Variants in RIPOR2 observed in about 807,000 individuals in gnomAD.
The protein encoded by RIPOR2 is RHO family interacting cell polarization regulator 2.
Under a neutral mutation model 114.5 loss-of-function variants are expected in RIPOR2, and 39 were observed. The ratio of observed to expected loss-of-function variants is 0.34; its 90% CI spans 0.26 to 0.44. The LOEUF (loss-of-function observed/expected upper bound fraction) is 0.44, where lower values mean the gene tolerates loss of function less well. Among genes scored for constraint, RIPOR2 ranks in the 20% least tolerant of loss-of-function variants. The pLI is 1.00. For synonymous variants in RIPOR2, 445 were observed against 484.4 expected (o/e 0.92, Z 1.07); for missense variants, 1,007 against 1,255.1 (o/e 0.80, Z 2.99).
At position 24,945,040 on chromosome 6, in the gene RIPOR2, A is replaced by G. The variant is rs553449842; in HGVS notation, c.77-69223T>C. ...AATGTTCCCGCCACAAAGAAAAGAT[A>G]TATGTTTGAAGTGATGGATACCCCA... On this transcript the variant is annotated intron_variant, in intron 1 of 13. Transcript: ENST00000510784. Among the ~76,000 whole-genome samples, 14 of 152,248 alleles carry G rather than the reference A, an allele frequency of 9.2e-5. No individual in the cohort carries two copies. In the South Asian group the frequency reaches 2.9e-3, roughly 32 times the overall value.
At chr6:24,847,783 A>T in intron 12 of RIPOR2, 1 of 1,322,564 alleles carries the variant, frequency 7.6e-7, no homozygotes, top group Non-Finnish European at 1.0e-6. Flanking sequence ...TGATTAAAAC[A>T]AGGAGGCTAT....
At chr6:24,930,163 A>G (rs916628928) in intron 1 of RIPOR2, among the ~76,000 whole-genome samples, 2 of 152,202 alleles carry the variant, frequency 1.3e-5, no homozygotes, top group East Asian at 3.8e-4. Context: ...GGCTTCTATC[A>G]AAAAGAGAGG....
At chr6:24,959,930 G>A (rs1315965703) in intron 1 of RIPOR2, among the ~76,000 whole-genome samples, 2 of 152,048 alleles carry the variant, frequency 1.3e-5, no homozygotes, top group Admixed American at 6.6e-5. Flanking sequence ...CTCCAACCTG[G>A]TTTTTATCTA....
chr6:25,034,778 T>G (rs1331994059), intron 1 of RIPOR2, among the ~76,000 whole-genome samples: 1 of 152,230 alleles, frequency 6.6e-6, no homozygotes, highest in African/African-American at 2.4e-5. Context: ...TTGTCCATCC[T>G]CGGCTGGAGA....
At chr6:24,948,249 G>A (rs1030869865) in intron 1 of RIPOR2, 1 of 152,166 alleles carries the variant, frequency 6.6e-6, no homozygotes, top group Admixed American at 6.5e-5. Context: ...CTTAAAGCCA[G>A]GAAAACTTCG....
chr6:24,968,656 C>G (rs1773642055), intron 1 of RIPOR2, among the ~76,000 whole-genome samples: 1 of 152,144 alleles, frequency 6.6e-6, no homozygotes, highest in Non-Finnish European at 1.5e-5. Flanking sequence ...AGTATCTGGA[C>G]TAGGATGAGG....
chr6:24,882,657 C>A (rs1448942428), intron 1 of RIPOR2, among the ~76,000 whole-genome samples: 2 of 152,058 alleles, frequency 1.3e-5, no homozygotes, highest in Admixed American at 1.3e-4. Flanking sequence ...CCAAAGACAA[C>A]CACCGGGGGA....
intron 7 of RIPOR2, 90 bp downstream of exon 7, chr6:24,865,211 G>T: frequency 9.2e-7 from 1 of 1,088,056 alleles, no homozygotes; most frequent in Non-Finnish European, 1.3e-6. Context: ...TGAGGTTGTG[G>T]GTTGCTGTTT....
chr6:24,831,510 A>G (rs75984416), intron 16 of RIPOR2, among the ~76,000 whole-genome samples: 3,453 of 152,192 alleles, frequency 0.023, 125 homozygotes, highest in African/African-American at 0.072. Flanking sequence ...GGGGGCTGGG[A>G]GAGGAGAGGA....
chr6:24,890,050 C>T (rs555181324), intron 1 of RIPOR2, among the ~76,000 whole-genome samples: 13 of 152,160 alleles, frequency 8.5e-5, no homozygotes, highest in East Asian at 1.9e-4. Flanking sequence ...TGCGCCACCA[C>T]GCCTGGCTAA....
chr6:24,932,878 G>A (rs557403409), intron 1 of RIPOR2, among the ~76,000 whole-genome samples: 1 of 152,290 alleles, frequency 6.6e-6, no homozygotes, highest in Non-Finnish European at 1.5e-5. Flanking sequence ...AAGTATGCGT[G>A]AATCCTAGAA....
At position 24,818,610 on chromosome 6, in the gene RIPOR2, A is replaced by G; in HGVS notation, c.2884T>C (p.Cys962Arg). The G allele has an allele frequency of 6.5e-7, 1 of 1,550,274 alleles. No homozygotes were observed. The highest frequency in any genetic ancestry group is 8.7e-7 in the Non-Finnish European group (1 of 1,146,054). The change falls in exon 20 of 22, where the codon TGT becomes CGT. Residue 962 changes from cysteine to arginine, a missense_variant. Transcript: ENST00000643898. ...HFREKALLYYCEALTKTNLQL... is the reference protein window; with the variant it reads ...HFREKALLYYREALTKTNLQL... ...AGGTTTGTCTTTGTTAGTGCTTCAC[A>G]GTAATAGAGCAAGGCCTGAAAGAGA... is the stretch of plus-strand genomic sequence containing the variant.
intron 1 of RIPOR2, among the ~76,000 whole-genome samples, chr6:24,906,809 CTT>C (rs777297044): frequency 6.6e-6 from 1 of 150,964 alleles, no homozygotes; most frequent in Non-Finnish European, 1.5e-5. Context: ...GCTAATTTTT[CTT>C]TTTTTTTCAT....
At chr6:24,913,150 A>AGTGTGTGTGTGTGTGTGTGT (rs10598852) in intron 1 of RIPOR2, among the ~76,000 whole-genome samples, 1 of 149,266 alleles carries the variant, frequency 6.7e-6, no homozygotes, top group African/African-American at 2.5e-5. Flanking sequence ...GCATGACTTG[A>AGTGTGTGTGTGTGTGTGTGT]GTGTGTGTGT....
intron 1 of RIPOR2, among the ~76,000 whole-genome samples, chr6:24,983,756 C>CAAAAAAAAAAAAAA (rs34480037): frequency 2.1e-5 from 1 of 47,180 alleles, no homozygotes; most frequent in South Asian, 1.0e-3. Context: ...GACTGTGTCT[C>CAAAAAAAAAAAAAA]AAAAAAAAAA....
At chr6:24,856,652 G>A (rs1763503521) in intron 8 of RIPOR2, among the ~76,000 whole-genome samples, 3 of 152,180 alleles carry the variant, frequency 2.0e-5, no homozygotes, top group African/African-American at 4.8e-5. Flanking sequence ...CTACTCCGGA[G>A]GCTGAGGCAT....
intron 1 of RIPOR2, among the ~76,000 whole-genome samples, chr6:24,895,012 T>G (rs1767718633): frequency 6.6e-6 from 1 of 152,186 alleles, no homozygotes; most frequent in Admixed American, 6.5e-5. Context: ...TTAGAGGTTC[T>G]CAAACCAGGC....
At chr6:24,904,081 T>C (rs926026410) in intron 1 of RIPOR2, among the ~76,000 whole-genome samples, 2 of 152,224 alleles carry the variant, frequency 1.3e-5, no homozygotes, top group African/African-American at 4.8e-5. Flanking sequence ...CAAATGCACT[T>C]GCACAAGATT....
intron 1 of RIPOR2, among the ~76,000 whole-genome samples, chr6:25,017,334 A>G (rs1220935514): frequency 6.6e-6 from 1 of 152,180 alleles, no homozygotes; most frequent in Non-Finnish European, 1.5e-5. Flanking sequence ...AATGGCATAA[A>G]TGCCATTTAG....
Sources: gnomAD v4.1 joint callset for allele counts (sites outside exome capture counted in the v4.1 genomes callset) on GRCh38, gnomAD v4.1.1 for gene constraint, MANE v1.5 for transcripts, NCBI Gene and HGNC (gene_info 2026-07-23, HGNC 2026-07-21) for gene names.